Variants in EEA1 observed in about 807,000 individuals in gnomAD.
The protein encoded by EEA1 is early endosome antigen 1, 162kD.
Under a neutral mutation model 209.2 loss-of-function variants are expected in EEA1, and 111 were observed. That is an observed-to-expected ratio of 0.53 (90% CI 0.45 to 0.62). The LOEUF is 0.62. EEA1 is among the 20% of genes least tolerant of loss of function. The pLI, the probability that EEA1 is intolerant of heterozygous loss-of-function variation, is 0.00. For missense variants in EEA1, 1,343 were observed against 1,530.8 expected (o/e 0.88, Z 2.05); for synonymous variants, 536 against 540.6 (o/e 0.99, Z 0.12).
intron 2 of EEA1, among the ~76,000 whole-genome samples, chr12:92,877,913 T>TTC (rs1452274163): frequency 6.6e-6 from 1 of 152,228 alleles, no homozygotes; most frequent in Non-Finnish European, 1.5e-5. Flanking sequence ...TGAATTTTCT[T>TTC]TTTTCTTTTC....
chr12:92,873,936 C>T (rs962873300), intron 2 of EEA1, among the ~76,000 whole-genome samples: 1 of 152,032 alleles, frequency 6.6e-6, no homozygotes, highest in Non-Finnish European at 1.5e-5. Context: ...AATATGAGTT[C>T]ATCTTTTTTT....
chr12:92,780,060 C>T (rs1356083653), intron 24 of EEA1, among the ~76,000 whole-genome samples: 1 of 152,032 alleles, frequency 6.6e-6, no homozygotes, highest in African/African-American at 2.4e-5. Flanking sequence ...GGTTACTTTG[C>T]TTCATTGGGT....
Position 92,778,050 on chromosome 12 carries a change from G to A in EEA1, c.3784C>T (p.Arg1262Trp), listed in dbSNP as rs77729665. ...TGTTTCTCAAGCTCACTAACTCTCC[G>A]TTGACTAGATTGCCACTCCTTCTTC... Reference protein sequence around the residue: ...TVKKEWQSSQRRVSELEKQTD... With the variant: ...TVKKEWQSSQWRVSELEKQTD... Residue 1262 changes from arginine (R) to tryptophan (W), a missense_variant, in exon 26 of 29, where the codon CGG (arginine) becomes TGG (tryptophan). Around this residue, in one of 3 missense-constraint regions of EEA1, gnomAD observed 1,307 missense variants for 1,465.5 expected, o/e 0.89. Transcript: ENST00000322349. 1.3e-3 allele frequency: 2,086 copies of A among 1,613,274 alleles called. 38 individuals carry two copies. In the East Asian group the frequency reaches 0.037, roughly 29 times the overall value.
At chr12:92,873,381 A>G (rs1286513657) in intron 2 of EEA1, among the ~76,000 whole-genome samples, 1 of 152,214 alleles carries the variant, frequency 6.6e-6, no homozygotes, top group Non-Finnish European at 1.5e-5. Flanking sequence ...TAATGAGAAT[A>G]TGAAGAAGAA....
chr12:92,826,389 T>A, intron 12 of EEA1, 104 bp from the exon 13 acceptor site: 1 of 1,034,296 alleles, frequency 9.7e-7, no homozygotes, highest in Non-Finnish European at 1.4e-6. Flanking sequence ...GAACAAAAAA[T>A]TCAGGAATAT....
At chr12:92,878,198 T>C (rs1001452758) in intron 2 of EEA1, among the ~76,000 whole-genome samples, 2 of 152,064 alleles carry the variant, frequency 1.3e-5, no homozygotes, top group African/African-American at 4.8e-5. Flanking sequence ...GCCAGGAGCT[T>C]GAGACCAGCT....
intron 21 of EEA1, among the ~76,000 whole-genome samples, chr12:92,794,948 AT>A (rs1874593853): frequency 6.6e-6 from 1 of 152,178 alleles, no homozygotes; most frequent in African/African-American, 2.4e-5. Context: ...AACCCAAGTT[AT>A]CCTTGATCCT....
At chr12:92,812,188 G>C (rs1307896865) in intron 16 of EEA1, among the ~76,000 whole-genome samples, 4 of 151,956 alleles carry the variant, frequency 2.6e-5, no homozygotes, top group Non-Finnish European at 4.4e-5. Flanking sequence ...AATTAGCCAG[G>C]CACGGTGGCA....
Position 92,809,012 on chromosome 12 carries a change from C to A in EEA1, c.2339+5G>T. 1 of 1,584,180 alleles carries A rather than the reference C, an allele frequency of 6.3e-7. No homozygotes were observed. The highest frequency in any genetic ancestry group is 2.3e-5 in the East Asian group (1 of 43,688). ...TTAATTTGTAAGTAAAGTGGTTTAG[C>A]TTACATTTCCTTCTCCATTTCAAGT... On this transcript the variant is annotated splice_donor_5th_base_variant and intron_variant, in intron 18 of 28. Coordinates refer to ENST00000322349, the MANE Select transcript of EEA1 (RefSeq NM_003566.4).
chr12:92,794,960 C>CT (rs1874594704), intron 21 of EEA1, among the ~76,000 whole-genome samples: 1 of 152,132 alleles, frequency 6.6e-6, no homozygotes, highest in South Asian at 2.1e-4. Flanking sequence ...CCTTGATCCT[C>CT]TTCCTATTAC....
intron 1 of EEA1, among the ~76,000 whole-genome samples, chr12:92,917,690 C>T (rs1210326141): frequency 4.9e-4 from 72 of 145,788 alleles, no homozygotes; most frequent in African/African-American, 1.5e-3. Context: ...CATCAACTAA[C>T]GAGCAAAATC....
chr12:92,825,268 G>A (rs895995656), intron 13 of EEA1, among the ~76,000 whole-genome samples: 7 of 152,010 alleles, frequency 4.6e-5, no homozygotes, highest in Admixed American at 3.3e-4. Flanking sequence ...TGGCTAACAC[G>A]GTGAAACCCC....
intron 2 of EEA1, among the ~76,000 whole-genome samples, chr12:92,888,307 G>A (rs1388911660): frequency 1.3e-5 from 2 of 152,156 alleles, no homozygotes; most frequent in South Asian, 2.1e-4. Context: ...TAGGCCGGGC[G>A]CAGTGGCTTA....
At chr12:92,807,017 G>A (rs1349596523) in intron 18 of EEA1, among the ~76,000 whole-genome samples, 1 of 151,780 alleles carries the variant, frequency 6.6e-6, no homozygotes, top group Non-Finnish European at 1.5e-5. Flanking sequence ...GCAGTGGCAT[G>A]ATCTCAGCTC....
intron 23 of EEA1, among the ~76,000 whole-genome samples, chr12:92,781,222 G>C (rs1421551873): frequency 6.6e-6 from 1 of 152,088 alleles, no homozygotes; most frequent in Non-Finnish European, 1.5e-5. Context: ...ATGAACAAGA[G>C]TTCTGTCAGA....
chr12:92,894,618 G>A (rs1302432162), intron 1 of EEA1, among the ~76,000 whole-genome samples: 1 of 152,198 alleles, frequency 6.6e-6, no homozygotes, highest in Non-Finnish European at 1.5e-5. Context: ...CTAATTCAGA[G>A]AAAGGCCCTT....
intron 1 of EEA1, among the ~76,000 whole-genome samples, chr12:92,916,578 G>C (rs1880769224): frequency 7.2e-6 from 1 of 138,780 alleles, no homozygotes; most frequent in Non-Finnish European, 1.6e-5. Flanking sequence ...GCTTGAACCT[G>C]GGAGGCGGAG....
intron 2 of EEA1, chr12:92,884,226 T>C (rs199810152): frequency 2.9e-4 from 434 of 1,517,226 alleles, no homozygotes; most frequent in Non-Finnish European, 3.7e-4. Flanking sequence ...TTTGTAACCT[T>C]TGACGACCAT....
At chr12:92,788,997 A>C (rs1874264304) in intron 21 of EEA1, among the ~76,000 whole-genome samples, 1 of 152,148 alleles carries the variant, frequency 6.6e-6, no homozygotes, top group African/African-American at 2.4e-5. Flanking sequence ...TCTCTTTAGA[A>C]GATCTCAACT....
Sources: allele counts gnomAD v4.1 joint callset (sites outside exome capture counted in the v4.1 genomes callset), GRCh38; gene constraint gnomAD v4.1.1; regional missense constraint gnomAD v4.1.1; transcripts MANE v1.5; gene names NCBI Gene and HGNC (gene_info 2026-07-23, HGNC 2026-07-21).